The following SAMD12 variants were observed in gnomAD, a reference collection of about 807,000 sequenced individuals.
SAMD12 encodes the protein sterile alpha motif domain containing 12.
Under a neutral mutation model 15.0 loss-of-function variants are expected in SAMD12, and 9 were observed. That is an observed-to-expected ratio of 0.60 (90% CI 0.36 to 1.05). SAMD12 has a LOEUF of 1.05. Among genes scored for constraint, SAMD12 ranks in the 50% least tolerant of loss-of-function variants. The pLI, the probability that SAMD12 is intolerant of heterozygous loss-of-function variation, is 0.01. For synonymous variants in SAMD12, 86 were observed against 90.1 expected, an observed-to-expected ratio of 0.96 and a Z score of 0.25; for missense variants, 230 against 234.2, an observed-to-expected ratio of 0.98 and a Z score of 0.12.
chr8:118,515,185 A>ATTTTTTTTTTTTTTTTT (rs55864364), intron 2 of SAMD12, among the ~76,000 whole-genome samples: 18 of 103,314 alleles, frequency 1.7e-4, no homozygotes, highest in South Asian at 3.5e-4. Flanking sequence ...CGCCCAGCTA[A>ATTTTTTTTTTTTTTTTT]TTTTTTTTTT....
chr8:118,232,216 C>T (rs992243748), intron 4 of SAMD12, among the ~76,000 whole-genome samples: 1 of 152,154 alleles, frequency 6.6e-6, no homozygotes, highest in Non-Finnish European at 1.5e-5. Context: ...TACTTAAAAT[C>T]AAGGTTGTGA....
At chr8:118,254,921 A>C (rs1386689068) in intron 4 of SAMD12, among the ~76,000 whole-genome samples, 1 of 151,878 alleles carries the variant, frequency 6.6e-6, no homozygotes, top group Non-Finnish European at 1.5e-5. Flanking sequence ...AGGCGTTTCT[A>C]TTCCTTACAT....
intron 2 of SAMD12, among the ~76,000 whole-genome samples, chr8:118,556,357 G>A (rs1183469337): frequency 6.6e-6 from 1 of 152,230 alleles, no homozygotes; most frequent in African/African-American, 2.4e-5. Context: ...TGGCCATGAT[G>A]TATTGAACGA....
chr8:118,286,662 G>A (rs900140818), intron 4 of SAMD12, among the ~76,000 whole-genome samples: 3 of 152,198 alleles, frequency 2.0e-5, no homozygotes, highest in Non-Finnish European at 4.4e-5. Flanking sequence ...TGAATAGGGA[G>A]GGGATTGATC....
At chr8:118,171,000 A>T in the SAMD12 span, among the ~76,000 whole-genome samples, 1 of 152,226 alleles carries the variant, frequency 6.6e-6, no homozygotes, top group African/African-American at 2.4e-5. Flanking sequence ...ACCAAATTTA[A>T]AATTGGTCAA....
chr8:118,526,892 T>C (rs1324144186), intron 2 of SAMD12, among the ~76,000 whole-genome samples: 1 of 152,192 alleles, frequency 6.6e-6, no homozygotes, highest in Non-Finnish European at 1.5e-5. Flanking sequence ...CATCAGGAAT[T>C]TGAGAGTCAG....
At chr8:118,441,477 T>C (rs971420086) in intron 2 of SAMD12, among the ~76,000 whole-genome samples, 6 of 152,096 alleles carry the variant, frequency 3.9e-5, no homozygotes, top group Admixed American at 2.6e-4. Flanking sequence ...TTCGTATATT[T>C]CCAGTCATAT....
chr8:118,519,418 C>A (rs1033218990), intron 2 of SAMD12, among the ~76,000 whole-genome samples: 3 of 152,140 alleles, frequency 2.0e-5, no homozygotes, highest in Non-Finnish European at 4.4e-5. Flanking sequence ...CTAAGTTATA[C>A]CAGAATTTCA....
chr8:118,353,048 T>C, intron 4 of SAMD12, among the ~76,000 whole-genome samples: 1 of 152,140 alleles, frequency 6.6e-6, no homozygotes, highest in Non-Finnish European at 1.5e-5. Context: ...AGACCACTGT[T>C]AAAATATTGC....
chr8:118,268,674 C>A (rs902667576), intron 4 of SAMD12, among the ~76,000 whole-genome samples: 1 of 152,022 alleles, frequency 6.6e-6, no homozygotes, highest in Non-Finnish European at 1.5e-5. Context: ...ATTAGCCAGG[C>A]GTGGTGGTGC....
intron 2 of SAMD12, among the ~76,000 whole-genome samples, chr8:118,472,243 T>A (rs377635356): frequency 6.6e-6 from 1 of 150,516 alleles, no homozygotes; most frequent in African/African-American, 2.5e-5. Context: ...GCCGAGATTG[T>A]GCCACTGCAC....
At chr8:118,387,980 G>C (rs1227804036) in intron 3 of SAMD12, among the ~76,000 whole-genome samples, 2 of 152,118 alleles carry the variant, frequency 1.3e-5, no homozygotes, top group Non-Finnish European at 2.9e-5. Flanking sequence ...TATACTACTG[G>C]AAACTAGTAG....
intron 3 of SAMD12, among the ~76,000 whole-genome samples, chr8:118,401,700 A>G (rs1350976207): frequency 6.6e-6 from 1 of 152,116 alleles, no homozygotes; most frequent in African/African-American, 2.4e-5. Context: ...AAGATCAAAA[A>G]ATTTAAAAAC....
intron 4 of SAMD12, among the ~76,000 whole-genome samples, chr8:118,366,495 G>A (rs76027339): frequency 0.015 from 2,267 of 152,192 alleles, 24 homozygotes; most frequent in Middle Eastern, 0.034. Context: ...ATAAATGATT[G>A]TATAATTGCT....
At chr8:118,318,260 C>T (rs904611867) in intron 4 of SAMD12, among the ~76,000 whole-genome samples, 6 of 145,002 alleles carry the variant, frequency 4.1e-5, no homozygotes, top group African/African-American at 1.5e-4. Context: ...TATTGCAGCT[C>T]AATTCACAAT....
intron 4 of SAMD12, among the ~76,000 whole-genome samples, chr8:118,262,971 T>C (rs557104472): frequency 5.3e-5 from 8 of 152,110 alleles, no homozygotes; most frequent in Admixed American, 2.0e-4. Context: ...GTTTTATTTT[T>C]ATAATTTTAA....
intron 2 of SAMD12, among the ~76,000 whole-genome samples, chr8:118,550,645 A>T (rs1432940364): frequency 6.6e-6 from 1 of 152,122 alleles, no homozygotes; most frequent in African/African-American, 2.4e-5. Flanking sequence ...ACCAGCTAAC[A>T]TCATAATGAC....
intron 3 of SAMD12, among the ~76,000 whole-genome samples, chr8:118,404,108 A>G (rs4876822): frequency 0.51 from 76,724 of 151,894 alleles, 20,895 homozygotes; most frequent in African/African-American, 0.72. Context: ...TCAACCTCCC[A>G]AGTAGCTGGG....
At chr8:118,375,105 T>G (rs1229394529), downstream of SAMD12, among the ~76,000 whole-genome samples, 2 of 152,134 alleles carry the variant, frequency 1.3e-5, no homozygotes, top group African/African-American at 4.8e-5. Flanking sequence ...TACAAACTGG[T>G]CCTTTACAGA....
Sources: allele counts gnomAD v4.1 joint callset (sites outside exome capture counted in the v4.1 genomes callset), GRCh38; gene constraint gnomAD v4.1.1; transcripts MANE v1.5; gene names NCBI Gene and HGNC (gene_info 2026-07-23, HGNC 2026-07-21).